AGBL1: variants seen among roughly 807,000 people sequenced by gnomAD.
The protein encoded by AGBL1 is AGBL carboxypeptidase 1, also known as cytosolic carboxypeptidase 4.
AGBL1 carries 130 observed loss-of-function variants against 118.9 expected under a neutral mutation model. The ratio of observed to expected loss-of-function variants is 1.09; its 90% CI spans 0.95 to 1.26. The LOEUF (loss-of-function observed/expected upper bound fraction) is 1.26, where lower values mean the gene tolerates loss of function less well. AGBL1 is among the 50% of genes most tolerant of loss of function. The pLI is 0.00. For missense variants in AGBL1, 1,584 were observed against 1,298.1 expected (o/e 1.22, Z -3.38); for synonymous variants, 555 against 478.9 (o/e 1.16, Z -2.08).
intron 2 of AGBL1, among the ~76,000 whole-genome samples, chr15:86,143,233 G>A (rs1314010913): frequency 2.0e-5 from 3 of 152,108 alleles, no homozygotes; most frequent in Non-Finnish European, 2.9e-5. Flanking sequence ...AATTTCTGAA[G>A]GCTAGCATCA....
intron 17 of AGBL1, among the ~76,000 whole-genome samples, chr15:86,356,335 C>CGTGTGT (rs55955604): frequency 0.21 from 32,126 of 150,010 alleles, 3,518 homozygotes; most frequent in South Asian, 0.25. Flanking sequence ...CGAAGATAGA[C>CGTGTGT]GTGTGTGTGT....
chr15:86,968,372 C>T (rs764410584), intron 23 of AGBL1, among the ~76,000 whole-genome samples: 6 of 152,012 alleles, frequency 3.9e-5, no homozygotes, highest in Non-Finnish European at 7.4e-5. Context: ...TGGAAAAAAA[C>T]GACTTCTAAG....
intron 24 of AGBL1, among the ~76,000 whole-genome samples, chr15:87,009,175 A>G (rs2081533817): frequency 6.6e-6 from 1 of 152,054 alleles, no homozygotes; most frequent in Non-Finnish European, 1.5e-5. Context: ...TTTAGGAGGA[A>G]AAAATGGTTT....
chr15:86,427,175 A>G (rs2081877168), intron 18 of AGBL1, among the ~76,000 whole-genome samples: 1 of 152,220 alleles, frequency 6.6e-6, no homozygotes, highest in South Asian at 2.1e-4. Flanking sequence ...ACTGGGGTAG[A>G]CACTGCATAA....
intron 1 of AGBL1, among the ~76,000 whole-genome samples, chr15:86,133,712 A>G (rs2076848772): frequency 6.6e-6 from 1 of 152,178 alleles, no homozygotes; most frequent in Non-Finnish European, 1.5e-5. Context: ...ATTATATAAG[A>G]CTCAATGTGT....
intron 17 of AGBL1, among the ~76,000 whole-genome samples, chr15:86,349,521 G>A (rs189690101): frequency 6.6e-6 from 1 of 152,262 alleles, no homozygotes; most frequent in East Asian, 1.9e-4. Context: ...GGTATGTCAA[G>A]TAATTTGTTA....
intron 5 of AGBL1, among the ~76,000 whole-genome samples, chr15:86,208,177 A>G (rs1317603134): frequency 6.6e-6 from 1 of 152,134 alleles, no homozygotes; most frequent in Non-Finnish European, 1.5e-5. Flanking sequence ...AGCCTACTTG[A>G]TCATGGTGGA....
At position 86,469,353 on chromosome 15, in the gene AGBL1, A is replaced by T. The variant is rs558248511; in HGVS notation, c.2556-53457A>T. The stretch of plus-strand genomic sequence containing the variant: ...CCATGTAGTATTTATATTTATATGC[A>T]CAGCTTATTTCAGTTAGCATAATAT... On this transcript the variant is annotated intron_variant, in intron 18 of 22. Transcript: ENST00000614907. 4.8e-4 allele frequency among the ~76,000 whole-genome samples: 73 copies of T among 152,290 alleles called. No homozygotes were observed. The South Asian group carries it at 0.014, about 29-fold the overall frequency.
intron 22 of AGBL1, among the ~76,000 whole-genome samples, chr15:86,868,464 A>G (rs1299448996): frequency 1.3e-5 from 2 of 152,270 alleles, no homozygotes; most frequent in Non-Finnish European, 2.9e-5. Flanking sequence ...TTTAGTGACT[A>G]GAAATCATGG....
intron 22 of AGBL1, among the ~76,000 whole-genome samples, chr15:86,891,404 G>A (rs925232131): frequency 2.0e-5 from 3 of 152,010 alleles, no homozygotes; most frequent in South Asian, 2.1e-4. Flanking sequence ...CCTGTAAAGT[G>A]TTTTCCTTGA....
intron 17 of AGBL1, among the ~76,000 whole-genome samples, chr15:86,329,484 G>T (rs547057188): frequency 1.3e-5 from 2 of 152,034 alleles, no homozygotes; most frequent in South Asian, 4.2e-4. Flanking sequence ...TGGAGCACCC[G>T]CTCACCTGAG....
chr15:86,921,626 C>A (rs562047589), intron 23 of AGBL1, among the ~76,000 whole-genome samples: 2 of 152,202 alleles, frequency 1.3e-5, no homozygotes, highest in South Asian at 4.2e-4. Context: ...GAGGAGGAGG[C>A]CCCTAAGAGG....
chr15:86,209,043 A>T (rs1225782765), intron 5 of AGBL1, among the ~76,000 whole-genome samples: 1 of 152,180 alleles, frequency 6.6e-6, no homozygotes, highest in Non-Finnish European at 1.5e-5. Flanking sequence ...TTCAAAGAAC[A>T]TCTTTATTTC....
intron 17 of AGBL1, among the ~76,000 whole-genome samples, chr15:86,318,404 T>TA (rs199571190): frequency 3.9e-5 from 6 of 151,978 alleles, no homozygotes; most frequent in Non-Finnish European, 7.4e-5. Flanking sequence ...AAATATTTCA[T>TA]AAAAAAAACT....
At chr15:86,550,288 G>A (rs2083646728) in intron 20 of AGBL1, among the ~76,000 whole-genome samples, 1 of 152,082 alleles carries the variant, frequency 6.6e-6, no homozygotes, top group African/African-American at 2.4e-5. Context: ...AAATATCAAT[G>A]ATGTCATTAA....
chr15:86,554,295 ATT>A, intron 20 of AGBL1, 64 bp from the exon 21 acceptor site: 3 of 1,349,028 alleles, frequency 2.2e-6, no homozygotes, highest in Non-Finnish European at 2.0e-6. Context: ...TTGAGAAGCT[ATT>A]TTTATGATGA....
intron 24 of AGBL1, among the ~76,000 whole-genome samples, chr15:87,012,703 G>A (rs934049791): frequency 1.1e-4 from 17 of 151,806 alleles, no homozygotes; most frequent in Admixed American, 4.0e-4. Context: ...TAGTCAATAC[G>A]AAAAAAATTA....
intron 22 of AGBL1, among the ~76,000 whole-genome samples, chr15:86,765,900 G>T (rs1376684451): frequency 6.6e-6 from 1 of 151,866 alleles, no homozygotes; most frequent in Admixed American, 6.6e-5. Flanking sequence ...TCTAGGTGTT[G>T]TCTAAAAGAG....
intron 6 of AGBL1, among the ~76,000 whole-genome samples, chr15:86,247,316 G>C (rs1219880811): frequency 6.6e-6 from 1 of 152,138 alleles, no homozygotes; most frequent in Non-Finnish European, 1.5e-5. Flanking sequence ...TCATGACCTT[G>C]ACATTTTCAA....
Sources: gnomAD v4.1 joint callset for allele counts (sites outside exome capture counted in the v4.1 genomes callset) on GRCh38, gnomAD v4.1.1 for gene constraint, MANE v1.5 for transcripts, NCBI Gene and HGNC (gene_info 2026-07-23, HGNC 2026-07-21) for gene names.